Variants in ASH1L observed in about 807,000 individuals in gnomAD.
ASH1L encodes the protein histone-lysine N-methyltransferase ASH1L.
ASH1L carries 23 observed loss-of-function variants against 269.0 expected under a neutral mutation model. The observed-to-expected ratio is 0.09, with a 90% CI of 0.06 to 0.12. ASH1L has a LOEUF of 0.12. Ranked by LOEUF, ASH1L falls within the 10% of genes least tolerant of loss-of-function variation. ASH1L has a pLI of 1.00. For synonymous variants in ASH1L, 1,187 were observed against 1,253.5 expected (o/e 0.95, Z 1.12); for missense variants, 2,912 against 3,567.8 (o/e 0.82, Z 4.68).
chr1:155,406,203 C>CAAAA (rs964056210), intron 6 of ASH1L, among the ~76,000 whole-genome samples: 11 of 52,086 alleles, frequency 2.1e-4, no homozygotes, highest in Non-Finnish European at 2.9e-4. Context: ...GACTCTGTCT[C>CAAAA]AAAAAAAAAA....
chr1:155,479,380 G>A lies in ASH1L; in HGVS notation c.3490C>T (p.Pro1164Ser), dbSNP rs768080262. The A allele has an allele frequency of 1.2e-5, 20 of 1,613,932 alleles. No individual in the cohort carries two copies. The highest frequency in any genetic ancestry group is 1.7e-5 in the Non-Finnish European group (20 of 1,179,948). Residue 1164 changes from proline to serine, a missense_variant, in exon 3 of 28, where the codon CCT (proline) becomes TCT (serine). This residue lies in a region of ASH1L where 157 missense variants were observed against 154.6 expected (regional missense o/e 1.02). Transcript: ENST00000392403. Reference protein sequence around the residue: ...ASKGRRRLSPPTLLPNSPSHL... With the variant: ...ASKGRRRLSPSTLLPNSPSHL... Reference sequence around the variant, plus strand: ...GAAGGAGAATTTGGCAACAAAGTAGGAGGAGATAACCGCCTCCTCCCCTTT... The same window carrying A: ...GAAGGAGAATTTGGCAACAAAGTAGAAGGAGATAACCGCCTCCTCCCCTTT...
chr1:155,558,407 G>A (rs981431055), intron 1 of ASH1L, among the ~76,000 whole-genome samples: 1 of 152,066 alleles, frequency 6.6e-6, no homozygotes, highest in Non-Finnish European at 1.5e-5. Flanking sequence ...GGAGGCAGAG[G>A]TTGCAGCGAG....
At position 155,479,808 on chromosome 1, in the gene ASH1L, G is replaced by A. The variant is rs372092485; in HGVS notation, c.3062C>T (p.Thr1021Met). 4 of 1,614,198 alleles carry A rather than the reference G, an allele frequency of 2.5e-6. No individual in the cohort carries two copies. The highest frequency in any genetic ancestry group is 2.7e-5 in the African/African-American group (2 of 75,066). ...AAATGTGGCAGCAAGACTTGATACC[G>A]TATTATGGAGTTTGGATTGCACTTT... is the stretch of plus-strand genomic sequence containing the variant. ...KGKVQSKLHN[T>M]VSSLAATFGS... The change falls in exon 3 of 28, where the codon ACG becomes ATG. Residue 1021 changes from threonine (T) to methionine (M), a missense_variant. Thr to Met is a moderately conservative substitution (Grantham distance 81). Coordinates refer to ENST00000392403, the MANE Select transcript of ASH1L (RefSeq NM_018489.3).
chr1:155,563,031 T>C (rs1388497008), upstream of ASH1L: 7 of 458,370 alleles, frequency 1.5e-5, no homozygotes, highest in Non-Finnish European at 3.1e-5. Flanking sequence ...GCCGTTTGAC[T>C]GGAATTGCCA....
chr1:155,552,398 G>A (rs1054741588), intron 1 of ASH1L, among the ~76,000 whole-genome samples: 5 of 151,642 alleles, frequency 3.3e-5, no homozygotes, highest in Admixed American at 6.6e-5. Context: ...CCCAGGAGAC[G>A]GAGTTTGCAG....
chr1:155,512,817 TG>T (rs1323623500), intron 2 of ASH1L, among the ~76,000 whole-genome samples: 1 of 151,654 alleles, frequency 6.6e-6, no homozygotes, highest in Admixed American at 6.6e-5. Flanking sequence ...CCCAGCACTT[TG>T]GGGGGCTGAG....
intron 15 of ASH1L, among the ~76,000 whole-genome samples, chr1:155,356,226 T>C (rs1309761319): frequency 1.3e-5 from 2 of 152,108 alleles, no homozygotes; most frequent in Admixed American, 1.3e-4. Flanking sequence ...TGTGAGCCAC[T>C]GCGCCCTGCC....
intron 7 of ASH1L, among the ~76,000 whole-genome samples, chr1:155,381,251 C>T (rs1001470576): frequency 6.6e-6 from 1 of 152,104 alleles, no homozygotes; most frequent in African/African-American, 2.4e-5. Context: ...GAGTATACTC[C>T]TGCTTATTAA....
chr1:155,508,089 G>A (rs1667929998), intron 2 of ASH1L, among the ~76,000 whole-genome samples: 1 of 151,718 alleles, frequency 6.6e-6, no homozygotes, highest in Non-Finnish European at 1.5e-5. Flanking sequence ...TTAAATGCTG[G>A]AAAGAAATGT....
At chr1:155,386,856 T>C (rs559798798) in intron 7 of ASH1L, among the ~76,000 whole-genome samples, 18 of 152,352 alleles carry the variant, frequency 1.2e-4, no homozygotes, top group African/African-American at 4.1e-4. Context: ...ATACTATTTG[T>C]CCATTTTTGC....
intron 3 of ASH1L, among the ~76,000 whole-genome samples, chr1:155,475,560 T>G (rs1417955161): frequency 1.3e-5 from 2 of 152,208 alleles, no homozygotes; most frequent in African/African-American, 2.4e-5. Flanking sequence ...GGTATTAACT[T>G]TATAGCATTT....
chr1:155,419,748 C>T (rs1660516901), intron 5 of ASH1L, among the ~76,000 whole-genome samples: 1 of 152,142 alleles, frequency 6.6e-6, no homozygotes, highest in East Asian at 1.9e-4. Context: ...CAAACATATG[C>T]TTTCATCATA....
chr1:155,369,686 C>A (rs965599544), intron 12 of ASH1L, among the ~76,000 whole-genome samples: 5 of 152,048 alleles, frequency 3.3e-5, no homozygotes, highest in Admixed American at 2.0e-4. Flanking sequence ...AATAAGCATG[C>A]AGTAGAGTGG....
intron 12 of ASH1L, among the ~76,000 whole-genome samples, chr1:155,367,912 A>G (rs951185490): frequency 6.6e-6 from 1 of 152,178 alleles, no homozygotes; most frequent in South Asian, 2.1e-4. Context: ...ACACTGGCCT[A>G]TATTTTTTCC....
intron 7 of ASH1L, among the ~76,000 whole-genome samples, chr1:155,392,818 A>T (rs748898330): frequency 1.3e-5 from 2 of 151,258 alleles, no homozygotes; most frequent in Admixed American, 6.6e-5. Context: ...CTACTCTTTC[A>T]ATACCAAAAG....
chr1:155,381,565 TCAAA>T (rs1358458951), intron 7 of ASH1L, among the ~76,000 whole-genome samples: 2 of 145,082 alleles, frequency 1.4e-5, no homozygotes, highest in African/African-American at 2.6e-5. Flanking sequence ...AAAACAAAAA[TCAAA>T]CAAACAAAAA....
intron 26 of ASH1L, 138 bp from the exon 27 acceptor site, chr1:155,338,528 G>A (rs944281796): frequency 9.5e-6 from 6 of 631,274 alleles, no homozygotes; most frequent in African/African-American, 5.5e-5. Context: ...CTTGACTCTC[G>A]TTTTCACTTT....
At chr1:155,433,496 A>T in intron 5 of ASH1L, 3 of 1,610,626 alleles carry the variant, frequency 1.9e-6, no homozygotes, top group Non-Finnish European at 2.5e-6. Context: ...GGTGGAGAGC[A>T]ACTCCGATGG....
intron 25 of ASH1L, among the ~76,000 whole-genome samples, chr1:155,341,082 C>T (rs1198334733): frequency 6.6e-6 from 1 of 152,078 alleles, no homozygotes; most frequent in Non-Finnish European, 1.5e-5. Flanking sequence ...AGCGATTCTC[C>T]TGCCTCAGTC....
Sources: gnomAD v4.1 joint callset for allele counts (sites outside exome capture counted in the v4.1 genomes callset) on GRCh38, gnomAD v4.1.1 for gene constraint, gnomAD v4.1.1 regional missense constraint, MANE v1.5 for transcripts, NCBI Gene and HGNC (gene_info 2026-07-23, HGNC 2026-07-21) for gene names.